ZBTB25: variants seen among roughly 807,000 people sequenced by gnomAD.
The protein encoded by ZBTB25 is zinc finger and BTB domain containing 25.
A neutral mutation model predicts 34.2 loss-of-function variants in ZBTB25; 20 were observed. The ratio of observed to expected loss-of-function variants is 0.58; its 90% CI spans 0.41 to 0.85. The LOEUF is 0.85. Among genes scored for constraint, ZBTB25 ranks in the 40% least tolerant of loss-of-function variants. ZBTB25 has a pLI of 0.00. For synonymous variants in ZBTB25, 175 were observed against 186.4 expected, an observed-to-expected ratio of 0.94 and a Z score of 0.50; for missense variants, 437 against 521.8, an observed-to-expected ratio of 0.84 and a Z score of 1.58.
chr14:64,463,097 T>C (rs1476120713), intron 2 of ZBTB25: 1 of 152,162 alleles, frequency 6.6e-6, no homozygotes, highest in Non-Finnish European at 1.5e-5. Flanking sequence ...CTATTTCCTG[T>C]TATATAATGA....
chr14:64,499,211 A>G (rs1257517317), intron 1 of ZBTB25, among the ~76,000 whole-genome samples: 1 of 152,212 alleles, frequency 6.6e-6, no homozygotes, highest in Non-Finnish European at 1.5e-5. Flanking sequence ...TGTTGACTAC[A>G]TTAAATGAAC....
intron 2 of ZBTB25, chr14:64,461,070 T>TTCTA (rs1227959125): frequency 6.6e-6 from 1 of 152,096 alleles, no homozygotes; most frequent in African/African-American, 2.4e-5. Context: ...GTTCTTTATC[T>TTCTA]TCTATCTCTG....
chr14:64,454,003 T>G, intron 2 of ZBTB25: 1 of 696,460 alleles, frequency 1.4e-6, no homozygotes, highest in Non-Finnish European at 2.7e-6. Flanking sequence ...AATACTGAGT[T>G]TGGATTAGGT....
intron 1 of ZBTB25, among the ~76,000 whole-genome samples, chr14:64,495,270 GC>G (rs2079228786): frequency 6.6e-6 from 1 of 152,176 alleles, no homozygotes; most frequent in Non-Finnish European, 1.5e-5. Context: ...TCCAAGTTCT[GC>G]CTCCCCTATG....
chr14:64,463,638 AAAAG>A (rs201229518), intron 2 of ZBTB25, among the ~76,000 whole-genome samples: 8 of 150,844 alleles, frequency 5.3e-5, no homozygotes, highest in African/African-American at 1.2e-4. Flanking sequence ...AAAAAAAAAA[AAAAG>A]AAGAAGAACC....
In ZBTB25 at chr14:64,485,817, G is replaced by A. The variant is rs934505948; in HGVS notation, c.*1106C>T. The A allele has an allele frequency of 1.0e-6, 1 of 985,070 alleles. No individual in the cohort carries two copies. Among genetic ancestry groups the A allele is most frequent in the Admixed American group, 6.2e-5 (1 of 16,246 alleles). 61.0% of individuals were successfully genotyped at this position (985,070 alleles called of 1,614,324 possible). ...TCTCTTTCAACTCATGTAAACCTCT[G>A]GTCATAAAATCTCAAATTACTTTTT... On this transcript the variant is annotated 3_prime_UTR_variant, in exon 3 of 3. Transcript: ENST00000608382.
chr14:64,493,646 T>G (rs538456277), intron 1 of ZBTB25, among the ~76,000 whole-genome samples: 72 of 152,246 alleles, frequency 4.7e-4, no homozygotes, highest in African/African-American at 1.7e-3. Context: ...AAAACTGACA[T>G]GACTTGTCAC....
At chr14:64,465,953 T>C (rs908234752) in intron 2 of ZBTB25, among the ~76,000 whole-genome samples, 3 of 152,192 alleles carry the variant, frequency 2.0e-5, no homozygotes, top group African/African-American at 7.2e-5. Flanking sequence ...CTGGGTTATC[T>C]GTTCCACGCC....
At chr14:64,488,347 A>G (rs2078955258) in intron 2 of ZBTB25, among the ~76,000 whole-genome samples, 1 of 152,098 alleles carries the variant, frequency 6.6e-6, no homozygotes, top group African/African-American at 2.4e-5. Context: ...GCACTATACT[A>G]GATGCCAGCG....
intron 2 of ZBTB25, among the ~76,000 whole-genome samples, chr14:64,456,211 A>G (rs954124108): frequency 6.6e-6 from 1 of 152,070 alleles, no homozygotes; most frequent in African/African-American, 2.4e-5. Flanking sequence ...AGCCTGCCGA[A>G]CTCAAGACTT....
chr14:64,460,449 T>A (rs2078540050), intron 2 of ZBTB25: 1 of 152,320 alleles, frequency 6.6e-6, no homozygotes, highest in Admixed American at 6.5e-5. Context: ...ATTCATTGAG[T>A]TTCTTCTAAA....
upstream of ZBTB25, chr14:64,504,649 G>C (rs879307117): frequency 1.8e-5 from 6 of 336,772 alleles, no homozygotes; most frequent in Non-Finnish European, 3.2e-5. Context: ...GGGCGGGCGA[G>C]AGGGAGGGGA....
intron 2 of ZBTB25, chr14:64,468,188 A>G: frequency 2.7e-6 from 1 of 368,928 alleles, no homozygotes; most frequent in Non-Finnish European, 4.8e-6. Flanking sequence ...TCAAGAAATT[A>G]AAGAGAGAAA....
chr14:64,459,628 C>A, intron 2 of ZBTB25: 1 of 722,196 alleles, frequency 1.4e-6, no homozygotes, highest in Non-Finnish European at 2.2e-6. Context: ...CCTAGAAGAG[C>A]TGGTGGCAGG....
rs2078636536 is a variant in ZBTB25, at chr14:64,468,664, A to G, written c.174-19026T>C. On this transcript the variant is annotated intron_variant, in intron 2 of 2. Coordinates refer to the ZBTB25 transcript ENST00000555220. ...TCAAACGTCTTGTAACACGCAGGAA[A>G]AGGTCAGAGTCTTCAAAGCAGCAAA... The G allele has an allele frequency of 2.5e-6, 4 of 1,613,926 alleles. No homozygotes were observed. The African/African-American group carries it at 4.0e-5, about 16-fold the overall frequency.
At chr14:64,502,883 A>G (rs2079542895) in intron 1 of ZBTB25, 2 of 985,226 alleles carry the variant, frequency 2.0e-6, no homozygotes, top group Non-Finnish European at 1.2e-6. Flanking sequence ...TTAAGATTCC[A>G]AAGTGTACTT....
At chr14:64,491,467 A>AAC (rs575656923) in intron 1 of ZBTB25, among the ~76,000 whole-genome samples, 1,711 of 151,666 alleles carry the variant, frequency 0.011, 24 homozygotes, top group African/African-American at 0.038. Context: ...CTGTCTCAAA[A>AAC]ACACACACAC....
chr14:64,492,893 AAAGAT>A (rs2079135060), intron 1 of ZBTB25, among the ~76,000 whole-genome samples: 1 of 152,202 alleles, frequency 6.6e-6, no homozygotes, highest in Non-Finnish European at 1.5e-5. Flanking sequence ...GGCTCACAGG[AAAGAT>A]AAAACATCAA....
At chr14:64,476,934 A>AT (rs2078725682), downstream of ZBTB25, among the ~76,000 whole-genome samples, 3 of 152,224 alleles carry the variant, frequency 2.0e-5, no homozygotes, top group Admixed American at 1.3e-4. Context: ...TAAGACTTAT[A>AT]TTTTTCTGAG....
Sources: allele counts gnomAD v4.1 joint callset (sites outside exome capture counted in the v4.1 genomes callset), GRCh38; gene constraint gnomAD v4.1.1; transcripts MANE v1.5; gene names NCBI Gene and HGNC (gene_info 2026-07-23, HGNC 2026-07-21).